The following ABCC4 variants were observed in gnomAD, a reference collection of about 807,000 sequenced individuals.
ABCC4 encodes the protein ATP-binding cassette sub-family C member 4.
A neutral mutation model predicts 168.5 loss-of-function variants in ABCC4; 102 were observed. That is an observed-to-expected ratio of 0.61 (90% CI 0.52 to 0.71). The LOEUF (loss-of-function observed/expected upper bound fraction) is 0.71, where lower values mean the gene tolerates loss of function less well. ABCC4 is among the 30% of genes least tolerant of loss of function. The pLI is 0.00. For synonymous variants in ABCC4, 617 were observed against 590.7 expected, an observed-to-expected ratio of 1.04 and a Z score of -0.65; for missense variants, 1,402 against 1,605.8, an observed-to-expected ratio of 0.87 and a Z score of 2.17.
At chr13:95,070,682 C>T (rs1467933793) in intron 25 of ABCC4, among the ~76,000 whole-genome samples, 1 of 152,138 alleles carries the variant, frequency 6.6e-6, no homozygotes, top group Non-Finnish European at 1.5e-5. Context: ...GTCATGGGAT[C>T]TGGGTCTTCC....
intron 1 of ABCC4, among the ~76,000 whole-genome samples, chr13:95,249,217 TA>T (rs772149188): frequency 9.5e-4 from 44 of 46,334 alleles, no homozygotes; most frequent in Middle Eastern, 8.1e-3. Flanking sequence ...AGGCTTTGTC[TA>T]AAAAAAAAAA....
intron 21 of ABCC4, among the ~76,000 whole-genome samples, chr13:95,079,708 G>A (rs1466226498): frequency 6.6e-6 from 1 of 152,136 alleles, no homozygotes; most frequent in Non-Finnish European, 1.5e-5. Flanking sequence ...GGTGGCGGGT[G>A]CCTGCAGTCC....
At chr13:95,031,366 G>A (rs555801497) in intron 30 of ABCC4, among the ~76,000 whole-genome samples, 2 of 152,280 alleles carry the variant, frequency 1.3e-5, no homozygotes, top group Admixed American at 6.5e-5. Flanking sequence ...ATGAGACAAG[G>A]AGCAGCGTTT....
At chr13:95,228,559 G>GT (rs2039531997) in intron 4 of ABCC4, among the ~76,000 whole-genome samples, 1 of 152,184 alleles carries the variant, frequency 6.6e-6, no homozygotes, top group African/African-American at 2.4e-5. Flanking sequence ...CGCATTACCT[G>GT]AGGTTTGGAG....
At chr13:95,058,867 G>A (rs1455925312) in intron 26 of ABCC4, among the ~76,000 whole-genome samples, 1 of 152,182 alleles carries the variant, frequency 6.6e-6, no homozygotes, top group Non-Finnish European at 1.5e-5. Flanking sequence ...GGCAGCAGGA[G>A]CCCGGCCAAG....
At chr13:95,025,651 A>G (rs2139200917) in intron 30 of ABCC4, among the ~76,000 whole-genome samples, 1 of 151,562 alleles carries the variant, frequency 6.6e-6, no homozygotes. Context: ...GTCATAGGTG[A>G]GGAGTAGGAA....
chr13:95,083,499 A>T (rs2034164037), intron 20 of ABCC4, among the ~76,000 whole-genome samples: 1 of 151,792 alleles, frequency 6.6e-6, no homozygotes, highest in African/African-American at 2.4e-5. Flanking sequence ...CTATGATATA[A>T]ACTTATCCAT....
intron 4 of ABCC4, among the ~76,000 whole-genome samples, chr13:95,217,442 G>T (rs2039149665): frequency 6.6e-6 from 1 of 152,100 alleles, no homozygotes; most frequent in African/African-American, 2.4e-5. Flanking sequence ...TTTTAAAACA[G>T]AAGATGCGGC....
At chr13:95,088,616 C>G (rs1424197549) in intron 20 of ABCC4, among the ~76,000 whole-genome samples, 1 of 152,074 alleles carries the variant, frequency 6.6e-6, no homozygotes, top group African/African-American at 2.4e-5. Flanking sequence ...TTCTATATAA[C>G]ACCTGTTTCA....
At chr13:95,238,668 GC>G (rs1407994391) in intron 3 of ABCC4, among the ~76,000 whole-genome samples, 6 of 152,184 alleles carry the variant, frequency 3.9e-5, no homozygotes, top group East Asian at 3.9e-4. Flanking sequence ...CAATTCTCCT[GC>G]CTTGGCCTCC....
At chr13:95,099,180 A>G (rs1324926760) in intron 20 of ABCC4, among the ~76,000 whole-genome samples, 1 of 152,238 alleles carries the variant, frequency 6.6e-6, no homozygotes, top group Non-Finnish European at 1.5e-5. Context: ...ATCACTCAGA[A>G]AAAGAAAACA....
intron 14 of ABCC4, among the ~76,000 whole-genome samples, chr13:95,168,026 C>T (rs2037342632): frequency 1.3e-5 from 2 of 152,106 alleles, no homozygotes; most frequent in Admixed American, 1.3e-4. Flanking sequence ...CCACCAGGCC[C>T]AGCCAATTTT....
intron 26 of ABCC4, among the ~76,000 whole-genome samples, chr13:95,060,616 A>C (rs1242614353): frequency 6.6e-6 from 1 of 152,234 alleles, no homozygotes; most frequent in Non-Finnish European, 1.5e-5. Context: ...CTCATTTTCT[A>C]CTGTAAGCAC....
intron 27 of ABCC4, among the ~76,000 whole-genome samples, chr13:95,052,687 T>C (rs910509278): frequency 2.0e-5 from 3 of 152,238 alleles, no homozygotes; most frequent in African/African-American, 7.2e-5. Context: ...ATTTCATAAA[T>C]ATGATCTATC....
intron 8 of ABCC4, among the ~76,000 whole-genome samples, chr13:95,199,116 G>C (rs1381081605): frequency 6.6e-6 from 1 of 151,938 alleles, no homozygotes; most frequent in African/African-American, 2.4e-5. Context: ...CCCAGAAAAA[G>C]TATAATAAAA....
At chr13:95,163,059 T>G in intron 18 of ABCC4, 63 bp downstream of exon 18, 1 of 1,133,370 alleles carries the variant, frequency 8.8e-7, no homozygotes, top group Non-Finnish European at 1.3e-6. Context: ...CCCTAGTTAC[T>G]CACACAGGCT....
At chr13:95,299,149 C>G (rs886515622) in intron 1 of ABCC4, among the ~76,000 whole-genome samples, 4 of 151,496 alleles carry the variant, frequency 2.6e-5, no homozygotes, top group African/African-American at 7.3e-5. Context: ...GCCCCAGCTA[C>G]TCGGGAGGCT....
At chr13:95,041,537 C>T (rs1242014403) in intron 29 of ABCC4, among the ~76,000 whole-genome samples, 1 of 152,204 alleles carries the variant, frequency 6.6e-6, no homozygotes, top group Non-Finnish European at 1.5e-5. Flanking sequence ...ACATCTGTCA[C>T]TTCCCCAGCC....
At chr13:95,289,658 G>A (rs2041342570) in intron 1 of ABCC4, among the ~76,000 whole-genome samples, 1 of 152,164 alleles carries the variant, frequency 6.6e-6, no homozygotes, top group Non-Finnish European at 1.5e-5. Context: ...GATCAGACAA[G>A]TCCTTTGAGA....
Sources: gnomAD v4.1 joint callset for allele counts (sites outside exome capture counted in the v4.1 genomes callset) on GRCh38, gnomAD v4.1.1 for gene constraint, MANE v1.5 for transcripts, NCBI Gene and HGNC (gene_info 2026-07-23, HGNC 2026-07-21) for gene names.